Variants in SASH1 observed in about 807,000 individuals in gnomAD.
The protein encoded by SASH1 is SAM and SH3 domain-containing protein 1.
Under a neutral mutation model 125.2 loss-of-function variants are expected in SASH1, and 44 were observed. The ratio of observed to expected loss-of-function variants is 0.35; its 90% CI spans 0.28 to 0.45. The LOEUF (loss-of-function observed/expected upper bound fraction) is 0.45. Ranked by LOEUF, SASH1 falls within the 20% of genes least tolerant of loss-of-function variation. The pLI is 1.00. For synonymous variants in SASH1, 639 were observed against 649.1 expected (o/e 0.98, Z 0.24); for missense variants, 1,426 against 1,614.5 (o/e 0.88, Z 2.00).
the SASH1 span, among the ~76,000 whole-genome samples, chr6:148,247,095 G>A: frequency 6.6e-6 from 1 of 152,166 alleles, no homozygotes; most frequent in Non-Finnish European, 1.5e-5. Context: ...ATTTGCCATG[G>A]TCCATGGACT....
intron 1 of SASH1, among the ~76,000 whole-genome samples, chr6:148,297,203 C>T (rs1779787766): frequency 6.6e-6 from 1 of 152,206 alleles, no homozygotes; most frequent in African/African-American, 2.4e-5. Flanking sequence ...GCCGACCTTC[C>T]AGAACTACAA....
At chr6:148,199,966 C>T in the SASH1 span, among the ~76,000 whole-genome samples, 1 of 152,098 alleles carries the variant, frequency 6.6e-6, no homozygotes, top group Non-Finnish European at 1.5e-5. Flanking sequence ...GAATAGGTCA[C>T]CCTGAGAGCC....
At chr6:148,214,158 A>G in the SASH1 span, among the ~76,000 whole-genome samples, 1 of 152,132 alleles carries the variant, frequency 6.6e-6, no homozygotes, top group African/African-American at 2.4e-5. Context: ...CTTTTTTCTG[A>G]CAGGAGTATC....
the SASH1 span, among the ~76,000 whole-genome samples, chr6:148,248,350 C>T: frequency 2.0e-4 from 30 of 152,114 alleles, no homozygotes; most frequent in African/African-American, 6.5e-4. Context: ...ACAAAGCTTT[C>T]CCCAGGGGAA....
chr6:148,421,505 T>C (rs377238085), intron 2 of SASH1, among the ~76,000 whole-genome samples: 12 of 152,324 alleles, frequency 7.9e-5, no homozygotes, highest in African/African-American at 2.9e-4. Context: ...GGTTTGACCA[T>C]GTTGGCCAGG....
intron 1 of SASH1, among the ~76,000 whole-genome samples, chr6:148,360,011 G>A (rs548463259): frequency 1.8e-4 from 28 of 152,144 alleles, no homozygotes; most frequent in Middle Eastern, 3.4e-3. Context: ...ACCCGCCTCC[G>A]CTCCCAAAGT....
the SASH1 span, among the ~76,000 whole-genome samples, chr6:148,265,225 G>A: frequency 6.6e-6 from 1 of 152,122 alleles, no homozygotes; most frequent in African/African-American, 2.4e-5. Context: ...CAGGAGGACT[G>A]CTTGAGCCCA....
intron 1 of SASH1, among the ~76,000 whole-genome samples, chr6:148,375,134 G>T (rs1782841970): frequency 1.3e-5 from 2 of 151,866 alleles, no homozygotes; most frequent in South Asian, 4.2e-4. Context: ...AAAACTACAG[G>T]CATGCACCGC....
At chr6:148,254,543 A>C in the SASH1 span, among the ~76,000 whole-genome samples, 1 of 152,216 alleles carries the variant, frequency 6.6e-6, no homozygotes, top group African/African-American at 2.4e-5. Flanking sequence ...CAAAGATCTG[A>C]ATAGATAGCT....
chr6:148,327,242 C>CGAATGAATGAAT (rs552385857), intron 1 of SASH1, among the ~76,000 whole-genome samples: 15 of 151,174 alleles, frequency 9.9e-5, no homozygotes, highest in African/African-American at 3.6e-4. Context: ...AACGAACGGA[C>CGAATGAATGAAT]GAATGAATGA....
At chr6:148,289,493 C>G (rs898550135) in intron 1 of SASH1, among the ~76,000 whole-genome samples, 4 of 152,210 alleles carry the variant, frequency 2.6e-5, no homozygotes, top group African/African-American at 9.7e-5. Flanking sequence ...GAAGGTCTGC[C>G]CCTTACGCAT....
intron 1 of SASH1, among the ~76,000 whole-genome samples, chr6:148,349,158 G>A (rs1327596299): frequency 6.6e-6 from 1 of 151,598 alleles, no homozygotes; most frequent in Non-Finnish European, 1.5e-5. Context: ...GATAAGGTTT[G>A]TGGGCACCGG....
the SASH1 span, among the ~76,000 whole-genome samples, chr6:148,246,065 C>T: frequency 6.6e-6 from 1 of 151,982 alleles, no homozygotes; most frequent in Non-Finnish European, 1.5e-5. Context: ...CACAAACACA[C>T]ATGTGTACAC....
At chr6:148,383,343 A>G (rs920907756) in intron 1 of SASH1, among the ~76,000 whole-genome samples, 1 of 152,210 alleles carries the variant, frequency 6.6e-6, no homozygotes, top group Non-Finnish European at 1.5e-5. Flanking sequence ...GGGGATGTAT[A>G]TATCTCCATC....
intron 6 of SASH1, among the ~76,000 whole-genome samples, chr6:148,471,936 G>A (rs560065883): frequency 8.5e-5 from 13 of 152,190 alleles, no homozygotes; most frequent in Non-Finnish European, 1.5e-4. Flanking sequence ...GCAGCGGGAC[G>A]GTTATGGGGT....
upstream of SASH1, chr6:148,272,168 C>A: frequency 4.3e-6 from 1 of 232,864 alleles, no homozygotes; most frequent in Non-Finnish European, 9.7e-6. Context: ...CAGTTACTGC[C>A]TCTCTTATCG....
At chr6:148,326,379 CT>C (rs1780825464) in intron 1 of SASH1, among the ~76,000 whole-genome samples, 1 of 34,494 alleles carries the variant, frequency 2.9e-5, no homozygotes, top group African/African-American at 1.2e-4. Flanking sequence ...TATATACATT[CT>C]TTTCTTTTCT....
intron 1 of SASH1, among the ~76,000 whole-genome samples, chr6:148,356,494 CTTTTTTTTTTTT>C (rs57183555): frequency 8.6e-6 from 1 of 116,284 alleles, no homozygotes; most frequent in Non-Finnish European, 1.7e-5. Context: ...ACTTTTAGTT[CTTTTTTTTTTTT>C]TTTTTTTTGA....
At chr6:148,399,779 T>TCCAGGGTTTGG (rs376278053) in intron 2 of SASH1, among the ~76,000 whole-genome samples, 1 of 151,942 alleles carries the variant, frequency 6.6e-6, no homozygotes, top group Admixed American at 6.6e-5. Flanking sequence ...CTAGCAGGTA[T>TCCAGGGTTTGG]CCAGGGTTTG....
Sources: allele counts gnomAD v4.1 joint callset (sites outside exome capture counted in the v4.1 genomes callset), GRCh38; gene constraint gnomAD v4.1.1; transcripts MANE v1.5; gene names NCBI Gene and HGNC (gene_info 2026-07-23, HGNC 2026-07-21).